The following NDC80 variants were observed in gnomAD, a reference collection of about 807,000 sequenced individuals.
NDC80 encodes the protein kinetochore protein NDC80 homolog.
In NDC80, 69 loss-of-function variants were observed where a neutral mutation model predicts 89.3. The ratio of observed to expected loss-of-function variants is 0.77; its 90% CI spans 0.64 to 0.94. The LOEUF (loss-of-function observed/expected upper bound fraction) is 0.94, where lower values mean the gene tolerates loss of function less well. Ranked by LOEUF, NDC80 falls within the 40% of genes least tolerant of loss-of-function variation. NDC80 has a pLI of 0.00. For synonymous variants in NDC80, 243 were observed against 255.6 expected (o/e 0.95, Z 0.47); for missense variants, 593 against 739.6 (o/e 0.80, Z 2.30).
chr18:2,594,810 T>C (rs1348931730), intron 10 of NDC80: 1 of 152,392 alleles, frequency 6.6e-6, no homozygotes, highest in Non-Finnish European at 1.5e-5. Flanking sequence ...CTTCTTCATG[T>C]TGTATTAGTG....
chr18:2,607,978 TATATATATATATATATATATA>T (rs1392780378), intron 14 of NDC80, among the ~76,000 whole-genome samples: 1 of 118,624 alleles, frequency 8.4e-6, no homozygotes, highest in African/African-American at 3.0e-5. Context: ...TATATATATA[TATATATATATATATATATATA>T]ACTTATTTAG....
Position 2,587,178 on chromosome 18 carries a change from A to G in NDC80, c.670-652A>G, listed in dbSNP as rs188040387. On this transcript the variant is annotated intron_variant, in intron 7 of 16. Coordinates refer to ENST00000261597, the MANE Select transcript of NDC80 (RefSeq NM_006101.3). ...GTTTGTCTTGAGGGATATTTACTTCATCTAAGGTATGGAAAATTCTGATCA... is the reference window on the plus strand; with the variant it reads ...GTTTGTCTTGAGGGATATTTACTTCGTCTAAGGTATGGAAAATTCTGATCA... 1.4e-3 allele frequency among the ~76,000 whole-genome samples: 208 copies of G among 152,342 alleles called. 1 individual carries two copies. The highest frequency in any genetic ancestry group is 2.3e-3 in the Non-Finnish European group (159 of 68,018).
At chr18:2,598,421 T>C (rs1164110981) in intron 11 of NDC80, among the ~76,000 whole-genome samples, 1 of 152,314 alleles carries the variant, frequency 6.6e-6, no homozygotes, top group East Asian at 1.9e-4. Context: ...GTAGTGATGA[T>C]GGCTATGAAG....
chr18:2,580,305 T>C (rs2072569914), intron 6 of NDC80, among the ~76,000 whole-genome samples: 1 of 152,122 alleles, frequency 6.6e-6, no homozygotes, highest in Non-Finnish European at 1.5e-5. Context: ...AGTTCCTCTC[T>C]ATATGGTGCA....
intron 14 of NDC80, among the ~76,000 whole-genome samples, chr18:2,607,965 G>GTATATA (rs3033372): frequency 0.086 from 5,801 of 67,816 alleles, 510 homozygotes; most frequent in African/African-American, 0.095. Flanking sequence ...TATATACATA[G>GTATATA]TATATATATA....
chr18:2,585,708 C>T (rs774053727), intron 7 of NDC80, among the ~76,000 whole-genome samples: 7 of 151,594 alleles, frequency 4.6e-5, no homozygotes, highest in Non-Finnish European at 1.0e-4. Context: ...CTGTTTGAAT[C>T]ACATTATAAT....
At chr18:2,597,507 G>A (rs988730500) in intron 11 of NDC80, among the ~76,000 whole-genome samples, 1 of 152,142 alleles carries the variant, frequency 6.6e-6, no homozygotes, top group Non-Finnish European at 1.5e-5. Flanking sequence ...AAGGCAGGTG[G>A]ATCATCAGAA....
chr18:2,610,932 C>A, intron 16 of NDC80, 71 bp downstream of exon 16: 1 of 931,024 alleles, frequency 1.1e-6, no homozygotes, highest in Non-Finnish European at 1.5e-6. Context: ...CTGCTTTCTT[C>A]CATATAAATT....
chr18:2,578,206 A>G, intron 5 of NDC80, 65 bp downstream of exon 5: 1 of 1,468,762 alleles, frequency 6.8e-7, no homozygotes, highest in Non-Finnish European at 9.3e-7. Flanking sequence ...AATTAAATCA[A>G]TTTGTAAAAA....
intron 3 of NDC80, chr18:2,577,099 C>T (rs978963343): frequency 1.3e-5 from 2 of 152,012 alleles, no homozygotes; most frequent in Non-Finnish European, 2.9e-5. Flanking sequence ...ATTACAAAAT[C>T]TAATATTTGT....
At chr18:2,609,143 G>A (rs978780691) in intron 15 of NDC80, among the ~76,000 whole-genome samples, 6 of 151,982 alleles carry the variant, frequency 3.9e-5, no homozygotes, top group Non-Finnish European at 7.4e-5. Flanking sequence ...TTGGCTGTTA[G>A]TGAATTTTAA....
chr18:2,572,244 CT>C (rs2072518901), intron 1 of NDC80, among the ~76,000 whole-genome samples: 1 of 152,188 alleles, frequency 6.6e-6, no homozygotes, highest in African/African-American at 2.4e-5. Flanking sequence ...TGTCACCTTC[CT>C]GAAAGCCAGG....
At chr18:2,611,240 G>C (rs187959707) in intron 16 of NDC80, among the ~76,000 whole-genome samples, 8 of 151,944 alleles carry the variant, frequency 5.3e-5, no homozygotes, top group South Asian at 2.1e-4. Context: ...GTAGAGACAG[G>C]GTTTCATCTT....
At chr18:2,594,056 C>T (rs1023073507) in intron 10 of NDC80, among the ~76,000 whole-genome samples, 5 of 152,154 alleles carry the variant, frequency 3.3e-5, no homozygotes, top group African/African-American at 9.7e-5. Flanking sequence ...GCATGCGCCA[C>T]CATGCCCAGC....
chr18:2,591,990 G>A (rs901776077), intron 10 of NDC80, among the ~76,000 whole-genome samples: 53 of 151,922 alleles, frequency 3.5e-4, no homozygotes, highest in African/African-American at 1.3e-3. Context: ...TCCTGACCTC[G>A]TGATCCACCT....
intron 2 of NDC80, among the ~76,000 whole-genome samples, chr18:2,574,072 A>G (rs909591120): frequency 1.7e-4 from 26 of 152,196 alleles, no homozygotes; most frequent in African/African-American, 5.3e-4. Context: ...TCTTAACTGG[A>G]CTTCCTACCT....
At chr18:2,573,882 T>C (rs1835266621) in intron 2 of NDC80, among the ~76,000 whole-genome samples, 2 of 152,206 alleles carry the variant, frequency 1.3e-5, no homozygotes, top group African/African-American at 2.4e-5. Context: ...TCAATGTTTT[T>C]TTGCCTGCAG....
intron 7 of NDC80, among the ~76,000 whole-genome samples, chr18:2,587,138 G>A (rs2072606566): frequency 2.0e-5 from 3 of 152,172 alleles, no homozygotes; most frequent in Admixed American, 1.3e-4. Flanking sequence ...CAATGAATTA[G>A]CACAAAGGGA....
At chr18:2,576,833 C>G (rs1306087764) in intron 3 of NDC80, among the ~76,000 whole-genome samples, 2 of 152,042 alleles carry the variant, frequency 1.3e-5, no homozygotes, top group Non-Finnish European at 2.9e-5. Context: ...AGTTCAACCC[C>G]AAAATTAAGA....
Sources: gnomAD v4.1 joint callset for allele counts (sites outside exome capture counted in the v4.1 genomes callset) on GRCh38, gnomAD v4.1.1 for gene constraint, MANE v1.5 for transcripts, NCBI Gene and HGNC (gene_info 2026-07-23, HGNC 2026-07-21) for gene names.